CSGALNACT1: variants seen among roughly 807,000 people sequenced by gnomAD.
The protein encoded by CSGALNACT1 is beta4GalNAcT-1.
A neutral mutation model predicts 51.0 loss-of-function variants in CSGALNACT1; 52 were observed. That is an observed-to-expected ratio of 1.02 (90% CI 0.82 to 1.29). The LOEUF is 1.29. Ranked by LOEUF, CSGALNACT1 falls within the 50% of genes most tolerant of loss-of-function variation. The pLI, the probability that CSGALNACT1 is intolerant of heterozygous loss-of-function variation, is 0.00. For missense variants in CSGALNACT1, 935 were observed against 679.2 expected (o/e 1.38, Z -4.19); for synonymous variants, 341 against 254.4 (o/e 1.34, Z -3.24).
At chr8:19,445,111 T>C (rs1027630340) in intron 5 of CSGALNACT1, among the ~76,000 whole-genome samples, 1 of 152,192 alleles carries the variant, frequency 6.6e-6, no homozygotes, top group Non-Finnish European at 1.5e-5. Flanking sequence ...TGTAACGATA[T>C]GTTTTGAAAC....
At chr8:19,545,380 A>G (rs561614468) in intron 3 of CSGALNACT1, among the ~76,000 whole-genome samples, 173 of 152,334 alleles carry the variant, frequency 1.1e-3, no homozygotes, top group Non-Finnish European at 1.9e-3. Context: ...ACGAAAAATG[A>G]GATGGGGAAA....
chr8:19,630,194 CTGTGTG>C (rs55947851), intron 1 of CSGALNACT1, among the ~76,000 whole-genome samples: 10,052 of 137,766 alleles, frequency 0.073, 351 homozygotes, highest in South Asian at 0.12. Context: ...TCCCACGTCT[CTGTGTG>C]TGTGTGTGTG....
chr8:19,667,251 T>C (rs1251131814), intron 1 of CSGALNACT1, among the ~76,000 whole-genome samples: 1 of 137,768 alleles, frequency 7.3e-6, no homozygotes, highest in Non-Finnish European at 1.5e-5. Flanking sequence ...CGAAACCCCA[T>C]CTCTACCAAA....
intron 2 of CSGALNACT1, among the ~76,000 whole-genome samples, chr8:19,595,001 T>C (rs946893215): frequency 6.6e-6 from 1 of 152,212 alleles, no homozygotes; most frequent in African/African-American, 2.4e-5. Context: ...GTCTGCAAGT[T>C]TTTATCGTAT....
intron 3 of CSGALNACT1, among the ~76,000 whole-genome samples, chr8:19,585,857 C>A (rs989781509): frequency 1.3e-5 from 2 of 152,302 alleles, no homozygotes; most frequent in Middle Eastern, 3.4e-3. Flanking sequence ...GCTCAGGAAA[C>A]CCCTTCAACA....
chr8:19,444,838 C>A (rs774672141), intron 5 of CSGALNACT1, among the ~76,000 whole-genome samples: 31 of 152,074 alleles, frequency 2.0e-4, no homozygotes, highest in Non-Finnish European at 4.0e-4. Context: ...GAAGGTACAG[C>A]AAATGCTGTG....
rs148964007 is a variant in CSGALNACT1, at chr8:19,539,104, A to G, written c.-296-32974T>C. 5.5e-4 allele frequency among the ~76,000 whole-genome samples: 83 copies of G among 152,266 alleles called. 1 individual carries two copies. In the East Asian group the frequency reaches 0.01, roughly 18 times the overall value. ...GTATATATTTAACATGTACAGCTTG[A>G]TGTTTTGATATACATATACCAAGTG... On this transcript the variant is annotated intron_variant, in intron 3 of 9. Coordinates refer to ENST00000454498, the Ensembl canonical transcript of CSGALNACT1.
intron 2 of CSGALNACT1, among the ~76,000 whole-genome samples, chr8:19,599,466 G>GAAA (rs1343631571): frequency 1.5e-5 from 1 of 66,578 alleles, no homozygotes; most frequent in Non-Finnish European, 2.9e-5. Flanking sequence ...AAGAAAGAAA[G>GAAA]AAAGAAAAAG....
chr8:19,428,878 T>C (rs909224222), intron 6 of CSGALNACT1, among the ~76,000 whole-genome samples: 1 of 134,052 alleles, frequency 7.5e-6, no homozygotes, highest in Non-Finnish European at 1.6e-5. Flanking sequence ...TGTGTGTGTA[T>C]GCATGCTGTG....
At chr8:19,508,983 A>C (rs1291154206) in intron 3 of CSGALNACT1, among the ~76,000 whole-genome samples, 1 of 152,234 alleles carries the variant, frequency 6.6e-6, no homozygotes, top group Non-Finnish European at 1.5e-5. Context: ...TTTGGAGAAA[A>C]GAAGAAAAAG....
intron 1 of CSGALNACT1, among the ~76,000 whole-genome samples, chr8:19,626,682 C>G (rs1012006386): frequency 6.6e-6 from 1 of 152,172 alleles, no homozygotes; most frequent in Non-Finnish European, 1.5e-5. Context: ...ACATGTCTGA[C>G]TAAGGACTTG....
At chr8:19,448,784 G>A (rs1386535363) in intron 5 of CSGALNACT1, among the ~76,000 whole-genome samples, 2 of 152,176 alleles carry the variant, frequency 1.3e-5, no homozygotes, top group East Asian at 3.9e-4. Context: ...TCAGGTATGT[G>A]ATGAATACCT....
intron 1 of CSGALNACT1, among the ~76,000 whole-genome samples, chr8:19,628,226 A>C (rs562323029): frequency 6.6e-6 from 1 of 152,338 alleles, no homozygotes; most frequent in South Asian, 2.1e-4. Flanking sequence ...TAATAGACTC[A>C]CAGTTCCACA....
chr8:19,531,171 C>T (rs1306827177), intron 3 of CSGALNACT1, among the ~76,000 whole-genome samples: 5 of 152,186 alleles, frequency 3.3e-5, no homozygotes, highest in Admixed American at 2.6e-4. Context: ...TTTCTAAATC[C>T]TCATGACATT....
chr8:19,606,470 T>C (rs1419930714), upstream of CSGALNACT1, among the ~76,000 whole-genome samples: 1 of 152,186 alleles, frequency 6.6e-6, no homozygotes, highest in Non-Finnish European at 1.5e-5. Flanking sequence ...CTATACAATA[T>C]CCTTAACCAC....
intron 5 of CSGALNACT1, 21 bp from the exon 5 acceptor site, chr8:19,439,952 A>G (rs775750697): frequency 6.3e-7 from 1 of 1,590,434 alleles, no homozygotes; most frequent in South Asian, 1.1e-5. Context: ...AAACACATGC[A>G]TGTCTGGCAC....
At chr8:19,577,315 C>T (rs181392554) in intron 3 of CSGALNACT1, among the ~76,000 whole-genome samples, 94 of 151,382 alleles carry the variant, frequency 6.2e-4, no homozygotes, top group African/African-American at 2.2e-3. Flanking sequence ...GTAATCCCAG[C>T]GCTTTGGGAG....
chr8:19,605,721 G>A (rs1037911838), upstream of CSGALNACT1, among the ~76,000 whole-genome samples: 5 of 152,152 alleles, frequency 3.3e-5, no homozygotes, highest in African/African-American at 1.2e-4. Context: ...TAAAGATTGG[G>A]AAGTCCACCC....
Position 19,709,302 on chromosome 8 carries a change from C to T in CSGALNACT1, c.-297+48548G>A, listed in dbSNP as rs553712390. On this transcript the variant is annotated intron_variant, in intron 1 of 1. Coordinates refer to the CSGALNACT1 transcript ENST00000517494. The stretch of plus-strand genomic sequence containing the variant: ...AGAATTCATTCTCATTTAACAAATA[C>T]GTTATATGTATATATTATACCAGGC... 3.9e-5 allele frequency among the ~76,000 whole-genome samples: 6 copies of T among 152,282 alleles called. No individual in the cohort carries two copies. The South Asian group carries it at 1.0e-3, about 26-fold the overall frequency.
Sources: gnomAD v4.1 joint callset for allele counts (sites outside exome capture counted in the v4.1 genomes callset) on GRCh38, gnomAD v4.1.1 for gene constraint, MANE v1.5 for transcripts, NCBI Gene and HGNC (gene_info 2026-07-23, HGNC 2026-07-21) for gene names.